The following ARR3 variants were observed in gnomAD, a reference collection of about 807,000 sequenced individuals.
ARR3 encodes arrestin 3.
In ARR3, 14 loss-of-function variants were observed where a neutral mutation model predicts 35.4. The ratio of observed to expected loss-of-function variants is 0.40; its 90% CI spans 0.26 to 0.62. The LOEUF is 0.62. ARR3 is among the 20% of genes least tolerant of loss of function. ARR3 has a pLI of 0.46. For synonymous variants in ARR3, 97 were observed against 119.1 expected, an observed-to-expected ratio of 0.81 and a Z score of 1.21; for missense variants, 259 against 303.8, an observed-to-expected ratio of 0.85 and a Z score of 1.10.
chrX:70,276,745 T>C lies in ARR3; in HGVS notation c.473+9T>C. On this transcript the variant is annotated intron_variant, in intron 8 of 16. Coordinates refer to ENST00000307959, the MANE Select transcript of ARR3 (RefSeq NM_004312.3). ...GAGACAGTCTCCAAGAGGTATTCTT[T>C]GGTTGTCCCCAAAAATCCCTGCCTC... 8.3e-7 allele frequency: 1 copy of C among 1,205,357 alleles called. No homozygotes were observed.
In ARR3 at chrX:70,280,156, A is replaced by T. The variant is rs758087048; in HGVS notation, c.906-39A>T. On this transcript the variant is annotated intron_variant, in intron 12 of 16. Coordinates refer to ENST00000307959, the MANE Select transcript of ARR3 (RefSeq NM_004312.3). ...CTGGGGACAGAATGAATTACTCTTC[A>T]TGCCCCAAACACCCTAAAACGAATA... The T allele has an allele frequency of 1.4e-4, 157 of 1,142,153 alleles. No homozygotes were observed. In the South Asian group the frequency reaches 2.7e-3, roughly 19 times the overall value. The allele number at this position is 1,142,153 out of a possible 1,213,427, so 94.1% of individuals were successfully genotyped here.
At chrX:70,270,556 G>A (rs1414741059) in intron 5 of ARR3, among the ~76,000 whole-genome samples, 1 of 111,557 alleles carries the variant, frequency 9.0e-6, no homozygotes, top group Admixed American at 9.6e-5. Flanking sequence ...CTGGATCTTA[G>A]ACTGCCTATA....
In ARR3 at chrX:70,280,598, G is replaced by A; in HGVS notation, c.1013+16G>A. The A allele has an allele frequency of 1.7e-6, 2 of 1,201,703 alleles. No individual in the cohort carries two copies. The highest frequency in any genetic ancestry group is 3.5e-5 in the African/African-American group (2 of 57,546). On this transcript the variant is annotated intron_variant, in intron 14 of 16. Transcript: ENST00000307959. Reference sequence around the variant, plus strand: ...TGACAGCCAGGTGAGAGACTGTGGGGTGGGGGAACTTGGGCAAGAAGAGGA... The same window carrying A: ...TGACAGCCAGGTGAGAGACTGTGGGATGGGGGAACTTGGGCAAGAAGAGGA...
At chrX:70,270,565 T>C (rs1470527712) in intron 5 of ARR3, among the ~76,000 whole-genome samples, 3 of 111,894 alleles carry the variant, frequency 2.7e-5, no homozygotes, top group East Asian at 2.8e-4. Flanking sequence ...AGACTGCCTA[T>C]AGAATGATCC....
Position 70,270,000 on chromosome X carries a change from T to C in ARR3, c.100+97T>C. The C allele has an allele frequency of 6.0e-6, 7 of 1,176,263 alleles. No individual in the cohort carries two copies. In the South Asian group the frequency reaches 1.3e-4, roughly 21 times the overall value. Reference sequence around the variant, plus strand: ...AAGACCGTGCAGAAAAGGAGGCAAATTAAAGGGAAGAATAGGAAGAACCAT... The same window carrying C: ...AAGACCGTGCAGAAAAGGAGGCAAACTAAAGGGAAGAATAGGAAGAACCAT... On this transcript the variant is annotated intron_variant, in intron 4 of 16. Transcript: ENST00000307959.
At chrX:70,272,581 TC>T (rs2085634059) in intron 5 of ARR3, among the ~76,000 whole-genome samples, 1 of 112,340 alleles carries the variant, frequency 8.9e-6, no homozygotes, top group Non-Finnish European at 1.9e-5. Context: ...TCATACTTGT[TC>T]AATTATTTCT....
At chrX:70,273,379 G>A (rs1303647215) in intron 5 of ARR3, among the ~76,000 whole-genome samples, 2 of 109,394 alleles carry the variant, frequency 1.8e-5, no homozygotes, top group African/African-American at 6.7e-5. Context: ...CCACCACCAC[G>A]CCCGGTTAAT....
chrX:70,276,150 C>T lies in ARR3; in HGVS notation c.214C>T (p.Arg72Ter), dbSNP rs2147641058. 2.5e-6 allele frequency: 3 copies of T among 1,211,608 alleles called. No individual in the cohort carries two copies. The highest frequency in any genetic ancestry group is 3.4e-6 in the Non-Finnish European group (3 of 895,461). ...DDLEVIGLTF[R>*]KDLYVQTLQV... ...CTTGGAAGTGATTGGTCTGACGTTC[C>T]GAAAAGATCTGTATGTGCAGACCCT... The change falls in exon 6 of 17, where the codon CGA becomes TGA. Residue 72 changes from arginine to a stop codon, truncating the protein, a stop_gained. Coordinates refer to ENST00000307959, the MANE Select transcript of ARR3 (RefSeq NM_004312.3). LOFTEE classifies it high-confidence loss of function.
intron 15 of ARR3, 92 bp from the exon 16 acceptor site, chrX:70,281,007 G>GGA: frequency 3.2e-5 from 31 of 966,505 alleles, no homozygotes; most frequent in Non-Finnish European, 4.4e-5. Context: ...GAAGTTGGGG[G>GGA]GGGGGGAAGT....
rs1393172223 is a variant in ARR3, at chrX:70,277,539, C to T, written c.609+10C>T. 8.3e-7 allele frequency: 1 copy of T among 1,206,526 alleles called. No individual in the cohort carries two copies. The highest frequency in any genetic ancestry group is 1.7e-5 in the African/African-American group (1 of 57,624). On this transcript the variant is annotated intron_variant, in intron 9 of 16. Transcript: ENST00000307959. The stretch of plus-strand genomic sequence containing the variant: ...CTGGATGGACAGGGAGGTTTGTGAC[C>T]CCCACTTTTTGCCTCCCACCCCAGA...
chrX:70,280,102 G>T, intron 12 of ARR3, 93 bp from the exon 13 acceptor site: 1 of 802,263 alleles, frequency 1.2e-6, no homozygotes, highest in African/African-American at 2.0e-5. Context: ...ACATAATAGG[G>T]TGTGGTGATA....
chrX:70,275,986 T>A (rs2085650943), intron 5 of ARR3, 96 bp from the exon 6 acceptor site: 1 of 987,300 alleles, frequency 1.0e-6, no homozygotes, highest in African/African-American at 1.9e-5. Flanking sequence ...CAGCCTTCGA[T>A]CATATTACAT....
intron 12 of ARR3, 135 bp downstream of exon 12, chrX:70,278,776 A>G (rs1291778867): frequency 1.3e-5 from 11 of 857,092 alleles, no homozygotes; most frequent in Non-Finnish European, 1.1e-5. Context: ...GTGTTCAGAG[A>G]CTCCTCCAGG....
chrX:70,280,334 G>A (rs1175948734), intron 13 of ARR3, 56 bp downstream of exon 13: 24 of 1,113,066 alleles, frequency 2.2e-5, no homozygotes, highest in Middle Eastern at 4.9e-4. Flanking sequence ...AGGGCTTTTC[G>A]CCTCTGTTTT....
chrX:70,278,591 A>G lies in ARR3; in HGVS notation c.855A>G (p.Ala285=), dbSNP rs1195921257. 2.1e-5 allele frequency: 25 copies of G among 1,210,293 alleles called. No individual in the cohort carries two copies. The highest frequency in any genetic ancestry group is 2.7e-5 in the Non-Finnish European group (24 of 895,244). Residue 285 remains alanine (A), a synonymous_variant, in exon 12 of 17, where the codon GCA becomes GCG. Coordinates refer to ENST00000307959, the MANE Select transcript of ARR3 (RefSeq NM_004312.3). ...CCAGCTGCCAGAAACGGGGCCTGGCACTGGATGGCAAACTTAAGCATGAAG... is the reference window on the plus strand; with the variant it reads ...CCAGCTGCCAGAAACGGGGCCTGGCGCTGGATGGCAAACTTAAGCATGAAG... ...LAASCQKRGL[A]LDGKLKHEDT...
intron 1 of ARR3, among the ~76,000 whole-genome samples, chrX:70,268,658 T>C (rs2085617492): frequency 9.0e-6 from 1 of 111,657 alleles, no homozygotes; most frequent in African/African-American, 3.3e-5. Context: ...GGGATAAGGA[T>C]GGGAAAATCT....
intron 9 of ARR3, 21 bp downstream of exon 9, chrX:70,277,550 G>A (rs757486684): frequency 8.3e-7 from 1 of 1,200,540 alleles, no homozygotes; most frequent in African/African-American, 1.8e-5. Flanking sequence ...CCCACTTTTT[G>A]CCTCCCACCC....
chrX:70,280,633 G>C (rs1193258325), intron 14 of ARR3, 51 bp downstream of exon 14: 11 of 1,190,800 alleles, frequency 9.2e-6, no homozygotes, highest in Non-Finnish European at 1.2e-5. Context: ...AGGACAAGGG[G>C]ATAAGGAGAG....
chrX:70,280,790 G>A lies in ARR3; in HGVS notation c.1038G>A (p.Leu346=), dbSNP rs1431275856. 1.7e-6 allele frequency: 2 copies of A among 1,211,496 alleles called. No homozygotes were observed. Among genetic ancestry groups the A allele is most frequent in the Non-Finnish European group, 2.2e-6 (2 of 895,465 alleles). ...GCGATGTTGGTGTGGAGCTACCCTT[G>A]GTCCTGATCCATCCGAAGCCATCTC... ...TASDVGVELP[L]VLIHPKPSHE... The change falls in exon 15 of 17, where the codon TTG becomes TTA. Residue 346 remains leucine (L), a synonymous_variant. Coordinates refer to ENST00000307959, the MANE Select transcript of ARR3 (RefSeq NM_004312.3).
Sources: gnomAD v4.1 joint callset for allele counts (sites outside exome capture counted in the v4.1 genomes callset) on GRCh38, gnomAD v4.1.1 for gene constraint, MANE v1.5 for transcripts, NCBI Gene and HGNC (gene_info 2026-07-23, HGNC 2026-07-21) for gene names.